Variants in KDM2B observed in about 807,000 individuals in gnomAD.
KDM2B encodes lysine demethylase 2B.
In KDM2B, 26 loss-of-function variants were observed where a neutral mutation model predicts 150.0. That is an observed-to-expected ratio of 0.17 (90% confidence interval 0.13 to 0.24). The LOEUF (loss-of-function observed/expected upper bound fraction) is 0.24, where lower values mean the gene tolerates loss of function less well. Among genes scored for constraint, KDM2B ranks in the 10% least tolerant of loss-of-function variants. KDM2B has a pLI of 1.00. For synonymous variants in KDM2B, 734 were observed against 729.5 expected (o/e 1.01, Z -0.10); for missense variants, 1,265 against 1,816.9 (o/e 0.70, Z 5.52).
chr12:121,489,010 GT>G (rs1190703340), intron 12 of KDM2B, among the ~76,000 whole-genome samples: 1 of 152,030 alleles, frequency 6.6e-6, no homozygotes, highest in Non-Finnish European at 1.5e-5. Context: ...GTTTCTCCAT[GT>G]TGGTCAGGCT....
At chr12:121,499,124 T>C (rs1368100033) in intron 11 of KDM2B, among the ~76,000 whole-genome samples, 1 of 149,928 alleles carries the variant, frequency 6.7e-6, no homozygotes, top group Non-Finnish European at 1.5e-5. Flanking sequence ...TTTTTTTTTT[T>C]TTTTGAGATG....
In KDM2B at chr12:121,580,880, T is replaced by A; in HGVS notation, c.32A>T (p.Glu11Val). 6.2e-7 allele frequency: 1 copy of A among 1,613,990 alleles called. No homozygotes were observed. The highest frequency in any genetic ancestry group is 8.5e-7 in the Non-Finnish European group (1 of 1,179,928). Residue 11 changes from glutamate to valine, a missense_variant, in exon 1 of 23, where the codon GAG (glutamate) becomes GTG (valine). Glu to Val is a moderately radical substitution (Grantham distance 121, BLOSUM62 -2). This residue lies in a region of KDM2B where 53 missense variants were observed against 56.0 expected (regional missense o/e 0.95). Coordinates refer to ENST00000377071, the MANE Select transcript of KDM2B (RefSeq NM_032590.5). ...ATGTCTTTTTCGTGGGGGGTGATCCTCTGCAGATCCCCCCATTTGCGGACC... is the reference window on the plus strand; with the variant it reads ...ATGTCTTTTTCGTGGGGGGTGATCCACTGCAGATCCCCCCATTTGCGGACC... MAGPQMGGSA[E>V]DHPPRKRHAA...
downstream of KDM2B, among the ~76,000 whole-genome samples, chr12:121,425,587 G>A (rs576935014): frequency 5.9e-5 from 9 of 152,094 alleles, no homozygotes; most frequent in South Asian, 1.9e-3. Context: ...CAGAAAGTTT[G>A]TGTGGCTAAT....
chr12:121,411,620 T>C, the KDM2B span, among the ~76,000 whole-genome samples: 3 of 152,220 alleles, frequency 2.0e-5, no homozygotes, highest in African/African-American at 7.2e-5. Context: ...GAAAACATAT[T>C]TTGAACTTTC....
chr12:121,553,407 G>A (rs1328344408), intron 4 of KDM2B, among the ~76,000 whole-genome samples: 6 of 151,996 alleles, frequency 3.9e-5, no homozygotes, highest in African/African-American at 1.2e-4. Context: ...CTAAAATCAC[G>A]AACCCAGAGT....
At chr12:121,421,372 A>G in the KDM2B span, among the ~76,000 whole-genome samples, 6 of 53,902 alleles carry the variant, frequency 1.1e-4, no homozygotes, top group Non-Finnish European at 2.1e-4. Context: ...TCCCATCTCT[A>G]AAAAAAAAAA....
At chr12:121,484,779 C>T (rs1285816694) in intron 12 of KDM2B, among the ~76,000 whole-genome samples, 1 of 152,032 alleles carries the variant, frequency 6.6e-6, no homozygotes, top group East Asian at 1.9e-4. Flanking sequence ...GATTGCGACA[C>T]TGCACTCCAG....
intron 9 of KDM2B, among the ~76,000 whole-genome samples, chr12:121,516,039 TGAA>T (rs1490382068): frequency 2.0e-5 from 3 of 152,118 alleles, no homozygotes; most frequent in Non-Finnish European, 2.9e-5. Flanking sequence ...TGATTTCCTA[TGAA>T]GAAGGGTTTA....
At position 121,523,862 on chromosome 12, in the gene KDM2B, G is replaced by A. The variant is rs576318437; in HGVS notation, c.932-2762C>T. Among the ~76,000 whole-genome samples the A allele has an allele frequency of 8.1e-4, 124 of 152,240 alleles. 2 individuals are homozygous for A. In the South Asian group the frequency reaches 0.012, roughly 15 times the overall value. On this transcript the variant is annotated intron_variant, in intron 8 of 22. Coordinates refer to ENST00000377071, the MANE Select transcript of KDM2B (RefSeq NM_032590.5). The stretch of plus-strand genomic sequence containing the variant: ...CTCTGTGCGGTTGCAAGCGGCCGTC[G>A]AGCTCCCCAGCTTCCCATCCCACGA...
At chr12:121,559,422 C>A (rs564187204) in intron 4 of KDM2B, among the ~76,000 whole-genome samples, 1 of 152,194 alleles carries the variant, frequency 6.6e-6, no homozygotes, top group South Asian at 2.1e-4. Context: ...ACCTCCCCTC[C>A]CCCAGGGAAA....
chr12:121,476,954 G>A lies in KDM2B; in HGVS notation c.1734+17625C>T, dbSNP rs117579242. Among the ~76,000 whole-genome samples the A allele has an allele frequency of 8.6e-3, 1,310 of 152,334 alleles. 12 individuals are homozygous for A. The highest frequency in any genetic ancestry group is 0.014 in the Non-Finnish European group (957 of 68,034). On this transcript the variant is annotated intron_variant, in intron 12 of 22. Coordinates refer to ENST00000377071, the MANE Select transcript of KDM2B (RefSeq NM_032590.5). ...AGCCCTCACACTGCTGGCTCAGGAG[G>A]AACTGTTTTTAGGGGTAGCCCCAGT...
chr12:121,582,259 G>A (rs1365052298), upstream of KDM2B, among the ~76,000 whole-genome samples: 1 of 150,704 alleles, frequency 6.6e-6, no homozygotes, highest in Non-Finnish European at 1.5e-5. Flanking sequence ...GCGCGTATGT[G>A]CCGCTGCCAG....
At chr12:121,580,504 G>A in intron 1 of KDM2B, 2 of 1,207,946 alleles carry the variant, frequency 1.7e-6, no homozygotes, top group Non-Finnish European at 2.1e-6. Flanking sequence ...CCGCCCGGGA[G>A]TTGTGTGCAG....
intron 12 of KDM2B, among the ~76,000 whole-genome samples, chr12:121,456,287 C>A (rs782310278): frequency 6.6e-6 from 1 of 152,182 alleles, no homozygotes; most frequent in East Asian, 1.9e-4. Context: ...TGCCTCAGTG[C>A]GAAGGGTGCC....
At position 121,442,648 on chromosome 12, in the gene KDM2B, C is replaced by T. The variant is rs1555288799; in HGVS notation, c.2793G>A (p.Lys931=). The T allele has an allele frequency of 1.2e-6, 2 of 1,604,704 alleles. No homozygotes were observed. Among genetic ancestry groups the T allele is most frequent in the Non-Finnish European group, 1.7e-6 (2 of 1,178,164 alleles). ...GCCGCTTCCGGCGCATCTTCACCTT[C>T]TTCTTCTCCTCCGGGCCCTCGGCCC... ...TEGAEGPEEK[K]KVKMRRKRRL... is the part of the protein sequence containing the mutation. The change falls in exon 19 of 23, where the codon AAG becomes AAA. Residue 931 remains lysine, a synonymous_variant. Transcript: ENST00000377071. The surrounding 1 kb of genome is among the most constrained non-coding windows in gnomAD (Gnocchi z 7.7).
At chr12:121,420,518 T>C in the KDM2B span, 1 of 1,590,424 alleles carries the variant, frequency 6.3e-7, no homozygotes, top group South Asian at 1.1e-5. Flanking sequence ...GTGATGAGTT[T>C]AGAGTGGGGA....
intron 12 of KDM2B, among the ~76,000 whole-genome samples, chr12:121,456,948 G>A (rs782780565): frequency 1.1e-4 from 17 of 152,174 alleles, no homozygotes; most frequent in African/African-American, 3.4e-4. Flanking sequence ...TTCTGCTGCC[G>A]GCAGTGGCCC....
At position 121,430,350 on chromosome 12, in the gene KDM2B, C is replaced by G; in HGVS notation, c.3949G>C (p.Glu1317Gln). The change falls in exon 23 of 23, where the codon GAG (glutamate) becomes CAG (glutamine). Residue 1317 changes from glutamate (E) to glutamine (Q), a missense_variant. Physicochemically the swap from Glu to Gln is conservative, Grantham distance 29. This residue lies in a region of KDM2B where 251 missense variants were observed against 397.8 expected (regional missense o/e 0.63). Transcript: ENST00000377071. The surrounding 1 kb of genome is among the most constrained non-coding windows in gnomAD (Gnocchi z 4.4). Reference sequence around the variant, plus strand: ...CCAAACTGGACACTCACAGACATCTCGGCTATGAACTGCTCACAGCCTTCC... The same window carrying G: ...CCAAACTGGACACTCACAGACATCTGGGCTATGAACTGCTCACAGCCTTCC... ...TKEGCEQFIAEMSVSVQFGQV... is the reference protein window; with the variant it reads ...TKEGCEQFIAQMSVSVQFGQV... The G allele has an allele frequency of 6.2e-7, 1 of 1,614,104 alleles. No homozygotes were observed. The highest frequency in any genetic ancestry group is 8.5e-7 in the Non-Finnish European group (1 of 1,179,946).
In KDM2B at chr12:121,444,255, G is replaced by A; in HGVS notation, c.2208C>T (p.Gly736=). ...GKTGKQKRGP[G]FKYASNLPGS... Reference sequence around the variant, plus strand: ...CGGGCAGGTTGGAGGCGTACTTAAAGCCAGGGCCACGCTTTTGCTTGTAGG... The same window carrying A: ...CGGGCAGGTTGGAGGCGTACTTAAAACCAGGGCCACGCTTTTGCTTGTAGG... Residue 736 remains glycine (G), a synonymous_variant, in exon 16 of 23, where the codon GGC becomes GGT. Coordinates refer to ENST00000377071, the MANE Select transcript of KDM2B (RefSeq NM_032590.5). 6.2e-7 allele frequency: 1 copy of A among 1,613,964 alleles called. No homozygotes were observed. Among genetic ancestry groups the A allele is most frequent in the Non-Finnish European group, 8.5e-7 (1 of 1,180,036 alleles).
Sources: gnomAD v4.1 joint callset for allele counts (sites outside exome capture counted in the v4.1 genomes callset) on GRCh38, gnomAD v4.1.1 for gene constraint, gnomAD v4.1.1 regional missense constraint, Gnocchi (gnomAD v3.1) non-coding constraint, MANE v1.5 for transcripts, NCBI Gene and HGNC (gene_info 2026-07-23, HGNC 2026-07-21) for gene names.